TCERG1: variants seen among roughly 807,000 people sequenced by gnomAD.
TCERG1 encodes TATA box binding protein (TBP)-associated factor, RNA polymerase II, S, 150kD.
TCERG1 carries 37 observed loss-of-function variants against 144.7 expected under a neutral mutation model. The ratio of observed to expected loss-of-function variants is 0.26; its 90% CI spans 0.20 to 0.34. The LOEUF (loss-of-function observed/expected upper bound fraction) is 0.34, where lower values mean the gene tolerates loss of function less well. TCERG1 is among the 10% of genes least tolerant of loss of function. The pLI is 1.00. For missense variants in TCERG1, 1,027 were observed against 1,380.7 expected, an observed-to-expected ratio of 0.74 and a Z score of 4.06; for synonymous variants, 492 against 458.2, an observed-to-expected ratio of 1.07 and a Z score of -0.94.
In TCERG1 at chr5:146,507,612, T is replaced by A. The variant is rs1768119559; in HGVS notation, c.2962-261T>A. 5.6e-6 allele frequency: 2 copies of A among 356,762 alleles called. No homozygotes were observed. Among genetic ancestry groups the A allele is most frequent in the Non-Finnish European group, 1.0e-5 (2 of 200,594 alleles). 22.1% of individuals were successfully genotyped at this position (356,762 alleles called of 1,614,324 possible). On this transcript the variant is annotated intron_variant, in intron 20 of 22. Transcript: ENST00000679501. This position sits in a 1 kb window ranked among gnomAD's most constrained non-coding sequence, Gnocchi z 4.6. ...GTGATGGTTTCTTCAGAAGTTATGATGTTTGCCCATGTAAATACAGGGTTT... is the reference window on the plus strand; with the variant it reads ...GTGATGGTTTCTTCAGAAGTTATGAAGTTTGCCCATGTAAATACAGGGTTT...
intron 15 of TCERG1, among the ~76,000 whole-genome samples, chr5:146,491,414 G>T (rs770297393): frequency 3.9e-5 from 6 of 152,052 alleles, no homozygotes; most frequent in Admixed American, 1.3e-4. Context: ...AGTGCTGCTG[G>T]GATCTAGTGG....
At chr5:146,449,773 T>C (rs960753601) in intron 1 of TCERG1, among the ~76,000 whole-genome samples, 1 of 152,228 alleles carries the variant, frequency 6.6e-6, no homozygotes, top group African/African-American at 2.4e-5. Context: ...ATGGAAAATT[T>C]ATAGACGTTC....
At chr5:146,454,590 G>GTTGTTTGT (rs954448902) in intron 1 of TCERG1, among the ~76,000 whole-genome samples, 1 of 150,830 alleles carries the variant, frequency 6.6e-6, no homozygotes. Context: ...TGTTTTTTTG[G>GTTGTTTGT]TTGTTTGTTT....
chr5:146,502,206 G>A (rs569836533), intron 17 of TCERG1, among the ~76,000 whole-genome samples: 1 of 152,214 alleles, frequency 6.6e-6, no homozygotes, highest in South Asian at 2.1e-4. Flanking sequence ...TAATCCTCCA[G>A]TAGGAGAAAT....
In TCERG1 at chr5:146,507,203, C is replaced by T; in HGVS notation, c.2957C>T (p.Ser986Phe). The change falls in exon 20 of 23, where the codon TCT becomes TTT. Residue 986 changes from serine to phenylalanine, a missense_variant. Ser to Phe is a radical substitution (Grantham distance 155). Coordinates refer to ENST00000679501, the MANE Select transcript of TCERG1 (RefSeq NM_001382548.1). This position sits in a 1 kb window ranked among gnomAD's most constrained non-coding sequence, Gnocchi z 4.6. ...TTTAGGCAACTTCTGGATGAAACTT[C>T]TGCAGTAAGAATCTCTTATTTTTCT... ...EHFRQLLDET[S>F]AITLTSTWKE... is the part of the protein sequence containing the mutation. 1 of 1,580,828 alleles carries T rather than the reference C, an allele frequency of 6.3e-7. No individual in the cohort carries two copies. The highest frequency in any genetic ancestry group is 8.6e-7 in the Non-Finnish European group (1 of 1,168,146).
intron 5 of TCERG1, among the ~76,000 whole-genome samples, chr5:146,464,116 T>C (rs1417952146): frequency 6.6e-6 from 1 of 152,232 alleles, no homozygotes; most frequent in African/African-American, 2.4e-5. Context: ...GTTTATGAAG[T>C]TGAGAAATCA....
intron 16 of TCERG1, among the ~76,000 whole-genome samples, chr5:146,497,403 T>A (rs907066413): frequency 3.3e-5 from 5 of 152,184 alleles, no homozygotes; most frequent in African/African-American, 1.2e-4. Flanking sequence ...TACCTTGCCC[T>A]CCTGACGTGC....
chr5:146,457,895 G>C (rs774570390), intron 3 of TCERG1, among the ~76,000 whole-genome samples: 12 of 152,186 alleles, frequency 7.9e-5, no homozygotes, highest in Non-Finnish European at 1.5e-4. Context: ...TGTCGCCCAG[G>C]CTAGAGAGCA....
chr5:146,483,060 A>G (rs1479981150), intron 14 of TCERG1, among the ~76,000 whole-genome samples: 1 of 152,086 alleles, frequency 6.6e-6, no homozygotes, highest in East Asian at 1.9e-4. Flanking sequence ...TTCCTTTAAT[A>G]TCTTGAGAAT....
intron 10 of TCERG1, 27 bp downstream of exon 10, chr5:146,478,680 A>G: frequency 6.5e-7 from 1 of 1,531,476 alleles, no homozygotes; most frequent in Non-Finnish European, 8.8e-7. Flanking sequence ...GAATTTATCC[A>G]CTGATTTTAA....
rs559455499 is a variant in TCERG1, at chr5:146,459,012, G to A, written c.567G>A (p.Ala189=). Residue 189 remains alanine (A), a synonymous_variant, in exon 4 of 23, where the codon GCG becomes GCA. Transcript: ENST00000679501. ...AQAQVQAQAQ[A]QAQAQAQAQA... is the part of the protein sequence containing the mutation. ...CACAGGTTCAGGCTCAGGCCCAGGC[G>A]CAGGCTCAGGCCCAGGCGCAGGCTC... 8.7e-6 allele frequency: 14 copies of A among 1,610,632 alleles called. No homozygotes were observed. Among genetic ancestry groups the A allele is most frequent in the East Asian group, 6.7e-5 (3 of 44,756 alleles).
intron 4 of TCERG1, among the ~76,000 whole-genome samples, chr5:146,462,319 G>A (rs1763407847): frequency 6.6e-6 from 1 of 152,128 alleles, no homozygotes; most frequent in Non-Finnish European, 1.5e-5. Context: ...TTCTTAGTCC[G>A]ATACAGGTAG....
intron 14 of TCERG1, 62 bp downstream of exon 14, chr5:146,482,789 G>A (rs761019168): frequency 1.6e-4 from 234 of 1,490,416 alleles, no homozygotes; most frequent in Non-Finnish European, 2.1e-4. Context: ...AATATGTCTT[G>A]CTAAAAGGTC....
At position 146,454,922 on chromosome 5, in the gene TCERG1, G is replaced by T. The variant is rs1008755006; in HGVS notation, c.60-134G>T. ...CCATTGATGTAGTTTTTATCATGAC[G>T]GTTGCAAAATGATGACTTTCCAACT... is the stretch of plus-strand genomic sequence containing the variant. On this transcript the variant is annotated intron_variant, in intron 1 of 22. Transcript: ENST00000679501. 3.3e-6 allele frequency: 3 copies of T among 903,666 alleles called. No individual in the cohort carries two copies. The Admixed American group carries it at 7.9e-5, about 24-fold the overall frequency. 56.0% of individuals were successfully genotyped at this position (903,666 alleles called of 1,614,324 possible).
intron 15 of TCERG1, among the ~76,000 whole-genome samples, chr5:146,489,781 A>G (rs1443122432): frequency 6.6e-6 from 1 of 152,180 alleles, no homozygotes; most frequent in Admixed American, 6.5e-5. Flanking sequence ...ACTCATTTTC[A>G]TTGTATTATG....
At position 146,454,990 on chromosome 5, in the gene TCERG1, A is replaced by G. The variant is rs924887565; in HGVS notation, c.60-66A>G. Reference sequence around the variant, plus strand: ...CCTTTTAAATTTGATGGATGTAATTAGAGATCAGTAGCTACATTTTTGTAA... The same window carrying G: ...CCTTTTAAATTTGATGGATGTAATTGGAGATCAGTAGCTACATTTTTGTAA... On this transcript the variant is annotated intron_variant, in intron 1 of 22. Coordinates refer to ENST00000679501, the MANE Select transcript of TCERG1 (RefSeq NM_001382548.1). 30 of 1,517,598 alleles carry G rather than the reference A, an allele frequency of 2.0e-5. No individual in the cohort carries two copies. The Admixed American group carries it at 4.9e-4, about 25-fold the overall frequency. The allele number at this position is 1,517,598 out of a possible 1,614,324, so 94.0% of individuals were successfully genotyped here.
intron 9 of TCERG1, among the ~76,000 whole-genome samples, chr5:146,477,464 C>T (rs957961372): frequency 2.0e-5 from 3 of 152,086 alleles, no homozygotes; most frequent in African/African-American, 4.8e-5. Flanking sequence ...GGCAGAGCTA[C>T]GAGGTGGGTG....
intron 4 of TCERG1, among the ~76,000 whole-genome samples, chr5:146,462,566 A>G (rs1014598982): frequency 6.6e-6 from 1 of 152,192 alleles, no homozygotes; most frequent in African/African-American, 2.4e-5. Context: ...TGTTAGCAGA[A>G]CCCAAATGAT....
At chr5:146,505,087 T>TAA (rs58813480) in intron 19 of TCERG1, among the ~76,000 whole-genome samples, 77 of 112,460 alleles carry the variant, frequency 6.8e-4, no homozygotes, top group African/African-American at 1.4e-3. Flanking sequence ...GCCAATGAGC[T>TAA]AAAAAAAAAA....
Sources: gnomAD v4.1 joint callset for allele counts (sites outside exome capture counted in the v4.1 genomes callset) on GRCh38, gnomAD v4.1.1 for gene constraint, Gnocchi (gnomAD v3.1) non-coding constraint, MANE v1.5 for transcripts, NCBI Gene and HGNC (gene_info 2026-07-23, HGNC 2026-07-21) for gene names.